RALGAPA1: variants seen among roughly 807,000 people sequenced by gnomAD.
The protein encoded by RALGAPA1 is ral GTPase-activating protein subunit alpha-1.
RALGAPA1 carries 52 observed loss-of-function variants against 269.6 expected under a neutral mutation model. That is an observed-to-expected ratio of 0.19 (90% CI 0.15 to 0.24). RALGAPA1 has a LOEUF of 0.24. RALGAPA1 is among the 10% of genes least tolerant of loss of function. The pLI is 1.00. For synonymous variants in RALGAPA1, 817 were observed against 1,008.3 expected, an observed-to-expected ratio of 0.81 and a Z score of 3.60; for missense variants, 1,917 against 3,013.9, an observed-to-expected ratio of 0.64 and a Z score of 8.52.
At chr14:35,602,074 T>C (rs1259322875) in intron 36 of RALGAPA1, among the ~76,000 whole-genome samples, 1 of 152,210 alleles carries the variant, frequency 6.6e-6, no homozygotes, top group African/African-American at 2.4e-5. Context: ...CATTAATATG[T>C]GATCTTGATG....
chr14:35,772,328 T>A (rs1177035526), intron 3 of RALGAPA1, among the ~76,000 whole-genome samples: 1 of 152,208 alleles, frequency 6.6e-6, no homozygotes, highest in Non-Finnish European at 1.5e-5. Flanking sequence ...AGTGCTGGGA[T>A]TACAAGCATG....
intron 33 of RALGAPA1, among the ~76,000 whole-genome samples, chr14:35,629,954 T>C (rs1228876187): frequency 6.6e-6 from 1 of 151,772 alleles, no homozygotes. Context: ...TTATGTAAAC[T>C]ATACCTCAAT....
intron 28 of RALGAPA1, among the ~76,000 whole-genome samples, chr14:35,657,261 T>C (rs2063240101): frequency 6.6e-6 from 1 of 151,676 alleles, no homozygotes; most frequent in Non-Finnish European, 1.5e-5. Flanking sequence ...CGATCTCGGC[T>C]CACTGCAACC....
intron 41 of RALGAPA1, among the ~76,000 whole-genome samples, chr14:35,543,788 G>A (rs1283159432): frequency 6.6e-6 from 1 of 152,152 alleles, no homozygotes; most frequent in Non-Finnish European, 1.5e-5. Context: ...GATTATAGGC[G>A]CATGCCATCA....
chr14:35,730,140 T>A (rs1326247534), intron 12 of RALGAPA1, among the ~76,000 whole-genome samples: 1 of 152,050 alleles, frequency 6.6e-6, no homozygotes. Flanking sequence ...GAAGGTCTAG[T>A]TTGTGGGAGA....
chr14:35,806,812 C>T (rs1435405446), intron 1 of RALGAPA1, among the ~76,000 whole-genome samples: 3 of 152,202 alleles, frequency 2.0e-5, no homozygotes, highest in African/African-American at 7.2e-5. Context: ...AAATCAAATA[C>T]CTGATTGGCA....
At chr14:35,610,281 T>G (rs1789479296) in intron 35 of RALGAPA1, among the ~76,000 whole-genome samples, 1 of 151,582 alleles carries the variant, frequency 6.6e-6, no homozygotes, top group Non-Finnish European at 1.5e-5. Context: ...AGACACAATT[T>G]TTTTCTTTTT....
intron 37 of RALGAPA1, among the ~76,000 whole-genome samples, chr14:35,577,830 A>G (rs75059852): frequency 0.022 from 3,409 of 152,216 alleles, 126 homozygotes; most frequent in South Asian, 0.14. Context: ...AATTATAATC[A>G]CTCAGGATTA....
intron 12 of RALGAPA1, among the ~76,000 whole-genome samples, chr14:35,732,028 A>G (rs910881282): frequency 2.0e-5 from 3 of 152,226 alleles, no homozygotes; most frequent in Non-Finnish European, 4.4e-5. Context: ...TCAGATTAAC[A>G]GAGATTTTTC....
At chr14:35,611,113 G>T (rs189605704) in intron 35 of RALGAPA1, among the ~76,000 whole-genome samples, 8 of 152,200 alleles carry the variant, frequency 5.3e-5, no homozygotes, top group African/African-American at 1.7e-4. Context: ...ATAGAAATTG[G>T]CAAGCTTGGC....
intron 16 of RALGAPA1, among the ~76,000 whole-genome samples, chr14:35,719,410 C>T (rs1337963119): frequency 1.3e-5 from 2 of 152,130 alleles, no homozygotes; most frequent in South Asian, 4.1e-4. Context: ...CATGCAGCTA[C>T]CTTTCTTAAC....
intron 7 of RALGAPA1, among the ~76,000 whole-genome samples, chr14:35,754,327 T>C (rs2072991447): frequency 6.6e-6 from 1 of 152,120 alleles, no homozygotes. Flanking sequence ...TTGCAAAACA[T>C]ACATCTGACT....
intron 26 of RALGAPA1, among the ~76,000 whole-genome samples, chr14:35,665,022 A>AAATATACCT (rs1378089556): frequency 6.6e-6 from 1 of 152,224 alleles, no homozygotes; most frequent in Non-Finnish European, 1.5e-5. Context: ...CTGTAAAAAC[A>AAATATACCT]AATATACCTT....
chr14:35,619,309 T>C (rs1043527981), intron 35 of RALGAPA1, among the ~76,000 whole-genome samples: 7 of 152,158 alleles, frequency 4.6e-5, no homozygotes, highest in Non-Finnish European at 1.0e-4. Flanking sequence ...ACACACTGCA[T>C]GTCTGTATCA....
At chr14:35,556,404 T>C (rs894792719) in intron 39 of RALGAPA1, among the ~76,000 whole-genome samples, 1 of 152,212 alleles carries the variant, frequency 6.6e-6, no homozygotes, top group Non-Finnish European at 1.5e-5. Context: ...GATATTCCAT[T>C]TCTTTCCTAC....
At chr14:35,630,446 C>T (rs1440912059) in intron 33 of RALGAPA1, among the ~76,000 whole-genome samples, 1 of 152,302 alleles carries the variant, frequency 6.6e-6, no homozygotes, top group Middle Eastern at 3.4e-3. Context: ...TGCCACCACG[C>T]CTGGCTAATT....
At chr14:35,797,016 T>C (rs1362017380) in intron 1 of RALGAPA1, among the ~76,000 whole-genome samples, 1 of 151,964 alleles carries the variant, frequency 6.6e-6, no homozygotes, top group African/African-American at 2.4e-5. Flanking sequence ...CTCGATCTCC[T>C]GACCTCGTGA....
chr14:35,791,364 G>A (rs556618100), intron 1 of RALGAPA1, among the ~76,000 whole-genome samples: 1 of 152,290 alleles, frequency 6.6e-6, no homozygotes, highest in South Asian at 2.1e-4. Context: ...AGCACTTTGG[G>A]AGGCCAAGGC....
intron 36 of RALGAPA1, among the ~76,000 whole-genome samples, chr14:35,602,836 AT>A (rs1407281062): frequency 6.6e-6 from 1 of 152,128 alleles, no homozygotes; most frequent in Admixed American, 6.5e-5. Context: ...GATAATGAGG[AT>A]TTATTCCTAT....
Sources: gnomAD v4.1 joint callset for allele counts (sites outside exome capture counted in the v4.1 genomes callset) on GRCh38, gnomAD v4.1.1 for gene constraint, MANE v1.5 for transcripts, NCBI Gene and HGNC (gene_info 2026-07-23, HGNC 2026-07-21) for gene names.